HTR4: variants seen among roughly 807,000 people sequenced by gnomAD.
HTR4 encodes 5-hydroxytryptamine (serotonin) receptor 4, G protein-coupled.
In HTR4, 16 loss-of-function variants were observed where a neutral mutation model predicts 36.8. The ratio of observed to expected loss-of-function variants is 0.43; its 90% CI spans 0.29 to 0.66. The LOEUF is 0.66. HTR4 is among the 30% of genes least tolerant of loss of function. The pLI, the probability that HTR4 is intolerant of heterozygous loss-of-function variation, is 0.13. For synonymous variants in HTR4, 189 were observed against 185.1 expected, an observed-to-expected ratio of 1.02 and a Z score of -0.17; for missense variants, 438 against 490.9, an observed-to-expected ratio of 0.89 and a Z score of 1.02.
intron 4 of HTR4, among the ~76,000 whole-genome samples, chr5:148,527,365 T>C (rs1355566610): frequency 1.3e-5 from 2 of 152,184 alleles, no homozygotes; most frequent in Non-Finnish European, 1.5e-5. Context: ...GCTCATAACA[T>C]TTTTATGAAA....
intron 2 of HTR4, among the ~76,000 whole-genome samples, chr5:148,555,946 T>TCTCACACA (rs142103382): frequency 2.0e-5 from 3 of 149,850 alleles, no homozygotes; most frequent in African/African-American, 7.4e-5. Flanking sequence ...TTATACTTTG[T>TCTCACACA]CACACACACA....
At chr5:148,605,236 A>ATTTTC (rs201602614) in intron 2 of HTR4, among the ~76,000 whole-genome samples, 20 of 130,628 alleles carry the variant, frequency 1.5e-4, no homozygotes, top group South Asian at 4.8e-4. Context: ...CACAGATTGC[A>ATTTTC]TTTTCTTTTC....
At chr5:148,638,798 T>C (rs1200474032) in intron 1 of HTR4, among the ~76,000 whole-genome samples, 1 of 152,142 alleles carries the variant, frequency 6.6e-6, no homozygotes, top group Non-Finnish European at 1.5e-5. Flanking sequence ...CTCATGCCTA[T>C]AATCCCAACA....
intron 2 of HTR4, among the ~76,000 whole-genome samples, chr5:148,580,277 T>A (rs1761082907): frequency 6.6e-6 from 1 of 152,098 alleles, no homozygotes; most frequent in Non-Finnish European, 1.5e-5. Context: ...TTTACTGAGA[T>A]ACAACTGATA....
At chr5:148,586,262 T>C (rs1761344975) in intron 2 of HTR4, among the ~76,000 whole-genome samples, 1 of 152,146 alleles carries the variant, frequency 6.6e-6, no homozygotes, top group South Asian at 2.1e-4. Context: ...CTGTTAGCTC[T>C]AGAATTCTAG....
At chr5:148,503,957 A>G (rs995777064) in intron 6 of HTR4, among the ~76,000 whole-genome samples, 7 of 152,218 alleles carry the variant, frequency 4.6e-5, no homozygotes, top group African/African-American at 1.4e-4. Context: ...TCCTAAATAG[A>G]TATGCACCCA....
intron 6 of HTR4, 54 bp from the exon 7 acceptor site, chr5:148,483,347 C>A: frequency 1.3e-6 from 2 of 1,522,538 alleles, no homozygotes; most frequent in South Asian, 2.4e-5. Flanking sequence ...TGTTGCAGAT[C>A]ATCTCCTGAA....
downstream of HTR4, among the ~76,000 whole-genome samples, chr5:148,479,558 T>C (rs2113713230): frequency 6.6e-6 from 1 of 152,260 alleles, no homozygotes; most frequent in South Asian, 2.1e-4. Context: ...CTATGTAGGC[T>C]CCAATTTTTT....
chr5:148,530,952 G>T (rs922755615), intron 4 of HTR4, among the ~76,000 whole-genome samples: 3 of 152,190 alleles, frequency 2.0e-5, no homozygotes, highest in Non-Finnish European at 4.4e-5. Flanking sequence ...CTTGCATGGG[G>T]CCTGTAGCCC....
At chr5:148,587,677 G>C (rs952217931) in intron 2 of HTR4, among the ~76,000 whole-genome samples, 1 of 152,034 alleles carries the variant, frequency 6.6e-6, no homozygotes, top group Non-Finnish European at 1.5e-5. Flanking sequence ...ACTAATTACT[G>C]TTTACTCTTT....
chr5:148,630,242 G>A (rs1455362938), intron 2 of HTR4: 1 of 152,156 alleles, frequency 6.6e-6, no homozygotes, highest in African/African-American at 2.4e-5. Flanking sequence ...AAAGAAATAA[G>A]TCAGGGGTAT....
intron 6 of HTR4, among the ~76,000 whole-genome samples, chr5:148,485,159 G>A (rs753077054): frequency 2.0e-5 from 3 of 152,176 alleles, no homozygotes; most frequent in Non-Finnish European, 2.9e-5. Flanking sequence ...TATTAGCAAC[G>A]ATAAAAACAA....
intron 2 of HTR4, among the ~76,000 whole-genome samples, chr5:148,607,315 T>C (rs1752214110): frequency 6.6e-6 from 1 of 151,932 alleles, no homozygotes; most frequent in Non-Finnish European, 1.5e-5. Context: ...TGGACCAGAG[T>C]TCAGATACTT....
chr5:148,553,436 C>G (rs1759792698), intron 2 of HTR4, among the ~76,000 whole-genome samples: 1 of 152,182 alleles, frequency 6.6e-6, no homozygotes, highest in African/African-American at 2.4e-5. Flanking sequence ...GGAATCCACC[C>G]TCAGAGGTGC....
rs531568860 is a variant in HTR4, at chr5:148,605,504, C to T, written c.26+31485G>A. Among the ~76,000 whole-genome samples, 19 of 151,710 alleles carry T rather than the reference C, an allele frequency of 1.3e-4. No homozygotes were observed. In the South Asian group the frequency reaches 3.3e-3, roughly 27 times the overall value. ...AACTCCTGACCTCAGGTGATCCACC[C>T]GCCTCGGCCTCTGAAACTGCTGGGA... On this transcript the variant is annotated intron_variant, in intron 2 of 6. Transcript: ENST00000377888.
At chr5:148,567,393 G>C (rs1283039925) in intron 2 of HTR4, among the ~76,000 whole-genome samples, 1 of 151,990 alleles carries the variant, frequency 6.6e-6, no homozygotes, top group Non-Finnish European at 1.5e-5. Context: ...TGCCCTTATA[G>C]TCTATGTGCT....
intron 2 of HTR4, among the ~76,000 whole-genome samples, chr5:148,598,541 G>A (rs1317095763): frequency 1.3e-5 from 2 of 151,494 alleles, no homozygotes; most frequent in Admixed American, 1.3e-4. Flanking sequence ...GACAGAGTGA[G>A]ACTCTGTCTA....
chr5:148,496,056 C>T (rs899063619), intron 6 of HTR4, among the ~76,000 whole-genome samples: 5 of 152,042 alleles, frequency 3.3e-5, no homozygotes, highest in Admixed American at 2.0e-4. Flanking sequence ...GCCGAAATCG[C>T]GCCACTGCAC....
At chr5:148,478,812 A>G (rs1003694893), downstream of HTR4, among the ~76,000 whole-genome samples, 1 of 152,134 alleles carries the variant, frequency 6.6e-6, no homozygotes, top group Non-Finnish European at 1.5e-5. Context: ...ATGTGAGAAG[A>G]TAGGTCCCAA....
Sources: gnomAD v4.1 joint callset for allele counts (sites outside exome capture counted in the v4.1 genomes callset) on GRCh38, gnomAD v4.1.1 for gene constraint, MANE v1.5 for transcripts, NCBI Gene and HGNC (gene_info 2026-07-23, HGNC 2026-07-21) for gene names.